RNF125: variants seen among roughly 807,000 people sequenced by gnomAD.
The protein encoded by RNF125 is E3 ubiquitin-protein ligase RNF125.
Under a neutral mutation model 26.0 loss-of-function variants are expected in RNF125, and 21 were observed. That is an observed-to-expected ratio of 0.81 (90% confidence interval 0.57 to 1.16). The LOEUF is 1.16. Among genes scored for constraint, RNF125 ranks in the 50% most tolerant of loss-of-function variants. The probability of loss-of-function intolerance (pLI) is 0.00; values close to 1 mark genes in which losing one functional copy is unlikely to be tolerated. For missense variants in RNF125, 270 were observed against 299.4 expected, an observed-to-expected ratio of 0.90 and a Z score of 0.72; for synonymous variants, 95 against 109.2, an observed-to-expected ratio of 0.87 and a Z score of 0.81.
chr18:32,046,260 G>GTAC (rs1198651328), intron 4 of RNF125, among the ~76,000 whole-genome samples: 1 of 143,364 alleles, frequency 7.0e-6, no homozygotes, highest in African/African-American at 2.6e-5. Flanking sequence ...TCTAAGTTTA[G>GTAC]TACACTAACT....
Position 32,068,364 on chromosome 18 carries a change from A to G in RNF125, c.679A>G (p.Asn227Asp). 1 of 1,590,082 alleles carries G rather than the reference A, an allele frequency of 6.3e-7. No homozygotes were observed. Among genetic ancestry groups the G allele is most frequent in the East Asian group, 2.2e-5 (1 of 44,740 alleles). Residue 227 changes from asparagine (N) to aspartate (D), a missense_variant, in exon 6 of 6, where the codon AAT becomes GAT. By Grantham distance (23) the Asn-to-Asp change is conservative. Coordinates refer to ENST00000217740, the MANE Select transcript of RNF125 (RefSeq NM_017831.4). ...AGACCGGTCACTTCTTGAATATGTGAATCACTCGAACACCACATAATTTTA... is the reference window on the plus strand; with the variant it reads ...AGACCGGTCACTTCTTGAATATGTGGATCACTCGAACACCACATAATTTTA... ...VLDRSLLEYVNHSNTT is the reference protein window; with the variant it reads ...VLDRSLLEYVDHSNTT
intron 4 of RNF125, among the ~76,000 whole-genome samples, chr18:32,065,366 T>G (rs1309990324): frequency 1.3e-5 from 2 of 152,112 alleles, no homozygotes; most frequent in Non-Finnish European, 2.9e-5. Flanking sequence ...GCCTCCTGAG[T>G]GGCTGGCATT....
rs2038974858 is a variant in RNF125, at chr18:32,020,300, G to T, written c.164+1273G>T. Among the ~76,000 whole-genome samples the T allele has an allele frequency of 2.0e-5, 3 of 151,646 alleles. No homozygotes were observed. The South Asian group carries it at 6.2e-4, about 32-fold the overall frequency. On this transcript the variant is annotated intron_variant, in intron 1 of 5. Coordinates refer to ENST00000217740, the MANE Select transcript of RNF125 (RefSeq NM_017831.4). ...TGACCTCAATTGATCCACCCACCTC[G>T]GCCTCCCAAAGTGCTGGGATTAAAG...
chr18:32,065,523 AC>A (rs1349350695), intron 4 of RNF125, among the ~76,000 whole-genome samples: 1 of 151,934 alleles, frequency 6.6e-6, no homozygotes, highest in African/African-American at 2.4e-5. Context: ...GGTGTGAGCC[AC>A]TGCACCCCGT....
chr18:32,030,740 C>T (rs1311103519), intron 1 of RNF125, among the ~76,000 whole-genome samples: 3 of 152,308 alleles, frequency 2.0e-5, no homozygotes, highest in Admixed American at 1.3e-4. Context: ...CTTTTCAGCT[C>T]ACAGTTCTGG....
chr18:32,077,639 G>T (rs140597143), downstream of RNF125, among the ~76,000 whole-genome samples: 2 of 151,830 alleles, frequency 1.3e-5, no homozygotes, highest in African/African-American at 4.8e-5. Flanking sequence ...GGGATTACAG[G>T]TGTGAGCCAC....
chr18:32,058,147 A>T (rs913185254), intron 4 of RNF125, among the ~76,000 whole-genome samples: 3 of 151,826 alleles, frequency 2.0e-5, no homozygotes, highest in Non-Finnish European at 4.4e-5. Context: ...AAAAAAAAAA[A>T]AAAAAAAATT....
chr18:32,075,645 A>AT (rs767124766), downstream of RNF125, among the ~76,000 whole-genome samples: 6 of 138,344 alleles, frequency 4.3e-5, no homozygotes, highest in Non-Finnish European at 4.5e-5. Flanking sequence ...GTGAGCCGAA[A>AT]TTGTGCCATT....
chr18:32,054,711 G>C (rs1326162798), intron 4 of RNF125, among the ~76,000 whole-genome samples: 1 of 152,058 alleles, frequency 6.6e-6, no homozygotes, highest in Non-Finnish European at 1.5e-5. Context: ...AAAACAAAAA[G>C]CTAGCAAAAA....
intron 2 of RNF125, 149 bp from the exon 3 acceptor site, chr18:32,042,029 AT>A: frequency 1.6e-6 from 1 of 636,064 alleles, no homozygotes; most frequent in South Asian, 1.8e-5. Flanking sequence ...TAATGCCTTA[AT>A]TTTTGGTGGT....
chr18:32,021,497 A>G (rs1277347408), intron 1 of RNF125, among the ~76,000 whole-genome samples: 1 of 152,220 alleles, frequency 6.6e-6, no homozygotes, highest in Admixed American at 6.5e-5. Flanking sequence ...GCTTATTAAC[A>G]TAATATCCAC....
rs187196250 is a variant in RNF125 at position 32,020,967 on chromosome 18, A to G, written c.164+1940A>G. ...AGGACTTAGGTAATCCTTAATACCT[A>G]TAGCCTTGTATCTGAAAAGCAGTTT... On this transcript the variant is annotated intron_variant, in intron 1 of 5. Transcript: ENST00000217740. 2.1e-3 allele frequency among the ~76,000 whole-genome samples: 318 copies of G among 152,318 alleles called. 1 individual carries two copies. The highest frequency in any genetic ancestry group is 3.6e-3 in the Non-Finnish European group (248 of 68,022).
chr18:32,031,732 A>G (rs2144448719), intron 1 of RNF125, among the ~76,000 whole-genome samples: 1 of 152,258 alleles, frequency 6.6e-6, no homozygotes, highest in Non-Finnish European at 1.5e-5. Flanking sequence ...CTTAGAACTT[A>G]TAATTAGCTG....
intron 4 of RNF125, among the ~76,000 whole-genome samples, chr18:32,061,262 G>A (rs569363052): frequency 6.6e-6 from 1 of 152,216 alleles, no homozygotes; most frequent in South Asian, 2.1e-4. Flanking sequence ...CTGACCTCAT[G>A]ATCCGCCCAC....
chr18:32,062,777 T>C (rs986042522), intron 4 of RNF125, among the ~76,000 whole-genome samples: 1 of 152,150 alleles, frequency 6.6e-6, no homozygotes, highest in African/African-American at 2.4e-5. Flanking sequence ...CTATTTTTTT[T>C]TCTCTCTGAA....
chr18:32,084,999 T>C, the RNF125 span, among the ~76,000 whole-genome samples: 1 of 152,202 alleles, frequency 6.6e-6, no homozygotes, highest in South Asian at 2.1e-4. Flanking sequence ...TCAGCTACTT[T>C]GCAGAGGTGT....
At chr18:32,086,801 G>A in the RNF125 span, among the ~76,000 whole-genome samples, 3 of 152,088 alleles carry the variant, frequency 2.0e-5, no homozygotes, top group Non-Finnish European at 4.4e-5. Flanking sequence ...TTTCAGGTAT[G>A]AGCCACCATG....
intron 5 of RNF125, among the ~76,000 whole-genome samples, chr18:32,066,591 CT>C (rs1380290478): frequency 1.3e-5 from 2 of 152,190 alleles, no homozygotes; most frequent in Non-Finnish European, 1.5e-5. Flanking sequence ...AGCTCAGGTT[CT>C]AAACTAGTTT....
chr18:32,086,845 T>C, the RNF125 span, among the ~76,000 whole-genome samples: 1 of 151,536 alleles, frequency 6.6e-6, no homozygotes, highest in Non-Finnish European at 1.5e-5. Context: ...AGAGACAGGG[T>C]CCCACTATGT....
Sources: allele counts gnomAD v4.1 joint callset (sites outside exome capture counted in the v4.1 genomes callset), GRCh38; gene constraint gnomAD v4.1.1; transcripts MANE v1.5; gene names NCBI Gene and HGNC (gene_info 2026-07-23, HGNC 2026-07-21).